Variants in CSRNP3 observed in about 807,000 individuals in gnomAD.
CSRNP3 encodes the protein cysteine/serine-rich nuclear protein 3.
CSRNP3 carries 12 observed loss-of-function variants against 48.0 expected under a neutral mutation model. The observed-to-expected ratio is 0.25, with a 90% CI of 0.16 to 0.41. The LOEUF is 0.41. Ranked by LOEUF, CSRNP3 falls within the 10% of genes least tolerant of loss-of-function variation. CSRNP3 has a pLI of 1.00. For missense variants in CSRNP3, 580 were observed against 724.4 expected, an observed-to-expected ratio of 0.80 and a Z score of 2.29; for synonymous variants, 263 against 269.7, an observed-to-expected ratio of 0.98 and a Z score of 0.24.
intron 4 of CSRNP3, among the ~76,000 whole-genome samples, chr2:165,646,569 T>C (rs1333410892): frequency 6.6e-6 from 1 of 152,226 alleles, no homozygotes; most frequent in African/African-American, 2.4e-5. Context: ...AAATGTTTCC[T>C]TCTGTCATTG....
At chr2:165,553,454 C>A (rs1365706933) in intron 3 of CSRNP3, among the ~76,000 whole-genome samples, 1 of 152,204 alleles carries the variant, frequency 6.6e-6, no homozygotes, top group Non-Finnish European at 1.5e-5. Flanking sequence ...AGAAAGTGCA[C>A]AACTGTGCTA....
intron 4 of CSRNP3, among the ~76,000 whole-genome samples, chr2:165,609,952 A>G (rs1005319746): frequency 1.3e-5 from 2 of 152,172 alleles, no homozygotes; most frequent in African/African-American, 4.8e-5. Context: ...TATTCTTTCT[A>G]TTCTTGCTGG....
intron 4 of CSRNP3, among the ~76,000 whole-genome samples, chr2:165,656,132 G>C (rs1029737855): frequency 1.3e-5 from 2 of 152,176 alleles, no homozygotes; most frequent in Non-Finnish European, 2.9e-5. Flanking sequence ...TCCCCAGTGG[G>C]GGTGGATCGT....
chr2:165,547,909 A>G (rs1018358974), intron 3 of CSRNP3, among the ~76,000 whole-genome samples: 1 of 152,148 alleles, frequency 6.6e-6, no homozygotes, highest in African/African-American at 2.4e-5. Context: ...GTACTTATAC[A>G]TCTATGCTTT....
At chr2:165,508,196 A>G (rs939717356) in intron 2 of CSRNP3, among the ~76,000 whole-genome samples, 3 of 152,220 alleles carry the variant, frequency 2.0e-5, no homozygotes, top group Middle Eastern at 3.4e-3. Flanking sequence ...TCCCAGGACC[A>G]TCTGTAAGAA....
intron 3 of CSRNP3, among the ~76,000 whole-genome samples, chr2:165,542,393 T>C (rs1684970251): frequency 6.6e-6 from 1 of 152,198 alleles, no homozygotes; most frequent in Non-Finnish European, 1.5e-5. Context: ...TTGGTGAAGA[T>C]GCATGTCTGT....
At chr2:165,518,096 G>A (rs1250019487) in intron 3 of CSRNP3, 135 bp downstream of exon 3, 1 of 152,152 alleles carries the variant, frequency 6.6e-6, no homozygotes, top group Non-Finnish European at 1.5e-5. Flanking sequence ...GTCTCCTCAA[G>A]ATTTTAAAAA....
At chr2:165,563,521 G>A (rs186363371) in intron 3 of CSRNP3, among the ~76,000 whole-genome samples, 15 of 152,172 alleles carry the variant, frequency 9.9e-5, no homozygotes, top group Admixed American at 7.2e-4. Context: ...CCCAATTCGC[G>A]AATCATTCAT....
At chr2:165,500,016 T>C (rs1684335042) in intron 2 of CSRNP3, among the ~76,000 whole-genome samples, 2 of 147,996 alleles carry the variant, frequency 1.4e-5, no homozygotes, top group East Asian at 4.0e-4. Context: ...ATCCTTAATG[T>C]ACAACTGCAA....
rs1687646569 is a variant in CSRNP3, at chr2:165,687,359, G to A, written c.*7606G>A. On this transcript the variant is annotated 3_prime_UTR_variant, in exon 7 of 7. Coordinates refer to ENST00000651982, the MANE Select transcript of CSRNP3 (RefSeq NM_001172173.2). ...TTTGTGATTGCTCTTATGTCGGTAG[G>A]TAATGTCAGGAAAAGTGACTGTTTC... The A allele has an allele frequency of 6.6e-6, 1 of 151,980 alleles. No homozygotes were observed. The highest frequency in any genetic ancestry group is 1.9e-4 in the East Asian group (1 of 5,192). The allele number at this position is 151,980 out of a possible 1,614,324, so 9.4% of individuals were successfully genotyped here.
chr2:165,579,840 A>G (rs959994296), intron 3 of CSRNP3, among the ~76,000 whole-genome samples: 2 of 152,010 alleles, frequency 1.3e-5, no homozygotes, highest in Admixed American at 6.6e-5. Flanking sequence ...TTATTTTAAT[A>G]GTAGCATACC....
chr2:165,506,254 A>G (rs1433730414), intron 2 of CSRNP3, among the ~76,000 whole-genome samples: 1 of 152,160 alleles, frequency 6.6e-6, no homozygotes, highest in Non-Finnish European at 1.5e-5. Flanking sequence ...CTCCAGGATT[A>G]TTTTAATATG....
chr2:165,651,784 T>C (rs1170874087), intron 4 of CSRNP3, among the ~76,000 whole-genome samples: 3 of 151,452 alleles, frequency 2.0e-5, no homozygotes, highest in Non-Finnish European at 4.4e-5. Flanking sequence ...GCCTCCCGAG[T>C]AGCTGGGATT....
At chr2:165,575,141 A>G (rs1019072509) in intron 3 of CSRNP3, among the ~76,000 whole-genome samples, 14 of 152,330 alleles carry the variant, frequency 9.2e-5, no homozygotes, top group African/African-American at 3.4e-4. Context: ...TATAAATGTC[A>G]CAGACAGGAC....
intron 5 of CSRNP3, among the ~76,000 whole-genome samples, chr2:165,673,946 G>A (rs1023551243): frequency 5.3e-5 from 8 of 152,054 alleles, no homozygotes; most frequent in Non-Finnish European, 1.0e-4. Flanking sequence ...ACTTGAACCT[G>A]GGAGGCTGAG....
chr2:165,490,354 T>G (rs62174747), intron 1 of CSRNP3, among the ~76,000 whole-genome samples: 4 of 145,956 alleles, frequency 2.7e-5, no homozygotes, highest in Admixed American at 1.4e-4. Context: ...AATCAATATC[T>G]TGAAAATGGC....
chr2:165,659,671 A>G (rs999804003), intron 5 of CSRNP3, among the ~76,000 whole-genome samples: 3 of 152,246 alleles, frequency 2.0e-5, no homozygotes, highest in Admixed American at 6.5e-5. Flanking sequence ...ATCAATTGAT[A>G]GGAAATATTT....
chr2:165,593,631 C>T (rs955088038), intron 3 of CSRNP3, among the ~76,000 whole-genome samples: 1 of 152,084 alleles, frequency 6.6e-6, no homozygotes, highest in Non-Finnish European at 1.5e-5. Context: ...CAGAGATTTC[C>T]AAGAGCAGTA....
intron 4 of CSRNP3, among the ~76,000 whole-genome samples, chr2:165,650,373 A>G (rs527321687): frequency 6.6e-6 from 1 of 152,350 alleles, no homozygotes; most frequent in African/African-American, 2.4e-5. Flanking sequence ...AGATGAGATC[A>G]GGTAGGTGAC....
Sources: allele counts gnomAD v4.1 joint callset (sites outside exome capture counted in the v4.1 genomes callset), GRCh38; gene constraint gnomAD v4.1.1; transcripts MANE v1.5; gene names NCBI Gene and HGNC (gene_info 2026-07-23, HGNC 2026-07-21).